The following MGAT4D variants were observed in gnomAD, a reference collection of about 807,000 sequenced individuals.
MGAT4D encodes MGAT4 family member D.
In MGAT4D, 34 loss-of-function variants were observed where a neutral mutation model predicts 15.9. That is an observed-to-expected ratio of 2.14 (90% CI 1.62 to 2.84). The LOEUF (loss-of-function observed/expected upper bound fraction) is 2.84, where lower values mean the gene tolerates loss of function less well. Among genes scored for constraint, MGAT4D ranks in the 30% most tolerant of loss-of-function variants. The pLI is 0.00. For missense variants in MGAT4D, 327 were observed against 140.2 expected (o/e 2.33, Z -6.73); for synonymous variants, 112 against 48.2 (o/e 2.33, Z -5.49).
intron 10 of MGAT4D, among the ~76,000 whole-genome samples, chr4:140,445,693 G>T (rs1730076660): frequency 6.6e-6 from 1 of 152,144 alleles, no homozygotes; most frequent in Admixed American, 6.5e-5. Flanking sequence ...TCCAACTTGA[G>T]TTGATTTTTG....
intron 10 of MGAT4D, among the ~76,000 whole-genome samples, chr4:140,446,590 CAT>C (rs1730137574): frequency 3.3e-5 from 5 of 151,642 alleles, no homozygotes; most frequent in Admixed American, 6.6e-5. Context: ...ACTAGTGGTT[CAT>C]ATGTCTTATT....
At chr4:140,485,048 T>G (rs1733009336) in intron 1 of MGAT4D, among the ~76,000 whole-genome samples, 1 of 152,230 alleles carries the variant, frequency 6.6e-6, no homozygotes, top group Non-Finnish European at 1.5e-5. Flanking sequence ...ATCCCATTAC[T>G]GGGTATATAC....
chr4:140,476,043 C>T, intron 3 of MGAT4D, among the ~76,000 whole-genome samples: 1 of 151,992 alleles, frequency 6.6e-6, no homozygotes, highest in East Asian at 1.9e-4. Flanking sequence ...AACTCCTGAC[C>T]TCAAGTGATC....
chr4:140,453,820 G>C (rs940807333), intron 9 of MGAT4D, among the ~76,000 whole-genome samples: 81 of 152,226 alleles, frequency 5.3e-4, no homozygotes, highest in Middle Eastern at 3.4e-3. Flanking sequence ...ATGCAGAACT[G>C]TGAATCAATT....
At chr4:140,490,976 C>T (rs10857384) in intron 1 of MGAT4D, among the ~76,000 whole-genome samples, 40,081 of 152,022 alleles carry the variant, frequency 0.26, 5,862 homozygotes, top group East Asian at 0.48. Flanking sequence ...ACTAGATATT[C>T]CAACATGAAT....
chr4:140,454,374 TTTC>T (rs1384120191), intron 9 of MGAT4D, among the ~76,000 whole-genome samples: 1 of 152,212 alleles, frequency 6.6e-6, no homozygotes, highest in Non-Finnish European at 1.5e-5. Context: ...ACATGTGGCT[TTTC>T]TTCTTCAGAA....
chr4:140,479,485 C>G lies in MGAT4D; in HGVS notation c.391+5G>C, dbSNP rs745851119. 4.2e-6 allele frequency: 2 copies of G among 473,434 alleles called. No homozygotes were observed. The highest frequency in any genetic ancestry group is 7.5e-5 in the South Asian group (2 of 26,822). The allele number at this position is 473,434 out of a possible 1,614,324, so 29.3% of individuals were successfully genotyped here. A position where few individuals can be genotyped will look rare whatever the true frequency, so the allele number is the denominator to read the frequency against. On this transcript the variant is annotated splice_donor_5th_base_variant and intron_variant, in intron 3 of 10. Coordinates refer to ENST00000511113, the MANE Select transcript of MGAT4D (RefSeq NM_001277353.2). ...ATTTAATTTTCCAATTCTAAGTTTTCTTACCACCAGTTTTCCCTTTGCCAA... is the reference window on the plus strand; with the variant it reads ...ATTTAATTTTCCAATTCTAAGTTTTGTTACCACCAGTTTTCCCTTTGCCAA...
chr4:140,475,660 CAAAAAAAAA>C lies in MGAT4D; in HGVS notation c.392-723_392-715del, dbSNP rs1162390812. Among the ~76,000 whole-genome samples, 130 of 52,870 alleles carry C rather than the reference CAAAAAAAAA, an allele frequency of 2.5e-3. 1 individual carries two copies. Among genetic ancestry groups the C allele is most frequent in the Middle Eastern group, 0.026 (2 of 76 alleles). The allele number at this position is 52,870 out of a possible 152,430, so 34.7% of individuals were successfully genotyped here. A position where few individuals can be genotyped will look rare whatever the true frequency, so the allele number is the denominator to read the frequency against. ...TTTCTAGAAAGCGGTAATAAAACTG[CAAAAAAAAA>C]AAAAAAAAAAGGTCAAAACAGTCAT... On this transcript the variant is annotated intron_variant, in intron 3 of 10. Transcript: ENST00000511113.
intron 6 of MGAT4D, among the ~76,000 whole-genome samples, chr4:140,463,977 A>G (rs1731363489): frequency 6.6e-6 from 1 of 152,208 alleles, no homozygotes; most frequent in South Asian, 2.1e-4. Context: ...ATCCAAGCCA[A>G]TGGAAGGAGG....
intron 10 of MGAT4D, among the ~76,000 whole-genome samples, chr4:140,445,489 C>T (rs548658266): frequency 6.6e-6 from 1 of 152,028 alleles, no homozygotes. Context: ...TGTCTGTTTA[C>T]TCTGTTAATA....
chr4:140,447,613 T>C (rs1272854269), intron 10 of MGAT4D, among the ~76,000 whole-genome samples: 1 of 151,998 alleles, frequency 6.6e-6, no homozygotes, highest in Non-Finnish European at 1.5e-5. Flanking sequence ...GAGATGGATC[T>C]CTTGAAGACA....
intron 1 of MGAT4D, among the ~76,000 whole-genome samples, chr4:140,484,886 A>C (rs1379710237): frequency 6.6e-6 from 1 of 152,234 alleles, no homozygotes; most frequent in Non-Finnish European, 1.5e-5. Flanking sequence ...GGCGATCATT[A>C]AAAAGTCAGG....
In MGAT4D at chr4:140,455,182, T is replaced by G. The variant is rs140929401; in HGVS notation, c.1008+1407A>C. On this transcript the variant is annotated intron_variant, in intron 9 of 10. Coordinates refer to ENST00000511113, the MANE Select transcript of MGAT4D (RefSeq NM_001277353.2). ...AGAAGTGGAGATTATGAATATGAGA[T>G]CTTTCTTCTCTTCTAAGATATAGAT... Among the ~76,000 whole-genome samples, 52 of 152,304 alleles carry G rather than the reference T, an allele frequency of 3.4e-4. No homozygotes were observed. In the East Asian group the frequency reaches 6.0e-3, roughly 18 times the overall value.
chr4:140,464,348 A>T (rs530711018), intron 6 of MGAT4D, among the ~76,000 whole-genome samples: 1 of 152,264 alleles, frequency 6.6e-6, no homozygotes, highest in East Asian at 1.9e-4. Flanking sequence ...AGAGCTTTTA[A>T]TTTTTTAAGA....
intron 1 of MGAT4D, among the ~76,000 whole-genome samples, chr4:140,483,359 G>A (rs1242913152): frequency 6.6e-6 from 1 of 152,126 alleles, no homozygotes; most frequent in East Asian, 1.9e-4. Flanking sequence ...TAATCTGGGT[G>A]AAAGAAATTG....
At chr4:140,470,619 G>C (rs1026149636) in intron 5 of MGAT4D, among the ~76,000 whole-genome samples, 2 of 152,120 alleles carry the variant, frequency 1.3e-5, no homozygotes, top group Non-Finnish European at 2.9e-5. Flanking sequence ...TTCCAAAATA[G>C]ACTTACATGT....
At chr4:140,478,028 C>CAT (rs1261046668) in intron 3 of MGAT4D, among the ~76,000 whole-genome samples, 2 of 152,148 alleles carry the variant, frequency 1.3e-5, no homozygotes, top group Admixed American at 1.3e-4. Context: ...AATCCTCTTA[C>CAT]ATATGTTTCA....
At chr4:140,494,844 T>C (rs1195592493) in intron 1 of MGAT4D, among the ~76,000 whole-genome samples, 2 of 152,160 alleles carry the variant, frequency 1.3e-5, no homozygotes, top group Non-Finnish European at 2.9e-5. Context: ...CTACAATATA[T>C]AGGACTGCCC....
rs552354956 is a variant in MGAT4D at position 140,446,584 on chromosome 4, G to A, written c.1117-3140C>T. Among the ~76,000 whole-genome samples the A allele has an allele frequency of 4.6e-5, 7 of 151,854 alleles. No individual in the cohort carries two copies. In the South Asian group the frequency reaches 1.5e-3, roughly 32 times the overall value. ...TTTCTTCATTATTACAATTAAACTA[G>A]TGGTTCATATGTCTTATTAATTTCT... On this transcript the variant is annotated intron_variant, in intron 10 of 10. Transcript: ENST00000511113.
Sources: gnomAD v4.1 joint callset for allele counts (sites outside exome capture counted in the v4.1 genomes callset) on GRCh38, gnomAD v4.1.1 for gene constraint, MANE v1.5 for transcripts, NCBI Gene and HGNC (gene_info 2026-07-23, HGNC 2026-07-21) for gene names.